The following CTNNA2 variants were observed in gnomAD, a reference collection of about 807,000 sequenced individuals.
The protein encoded by CTNNA2 is catenin alpha 2, also known as catenin alpha-2.
Under a neutral mutation model 101.0 loss-of-function variants are expected in CTNNA2, and 42 were observed. That is an observed-to-expected ratio of 0.42 (90% CI 0.32 to 0.54). The LOEUF is 0.54. Among genes scored for constraint, CTNNA2 ranks in the 20% least tolerant of loss-of-function variants. CTNNA2 has a pLI of 0.14. For missense variants in CTNNA2, 871 were observed against 1,223.1 expected (o/e 0.71, Z 4.29); for synonymous variants, 450 against 456.4 (o/e 0.99, Z 0.18).
intron 6 of CTNNA2, among the ~76,000 whole-genome samples, chr2:79,879,946 G>A (rs1683302283): frequency 6.6e-6 from 1 of 152,114 alleles, no homozygotes; most frequent in Non-Finnish European, 1.5e-5. Context: ...TATGATATTG[G>A]TTGTGGGTTT....
chr2:79,242,055 G>A lies in CTNNA2; in HGVS notation c.-406+43979G>A, dbSNP rs373824026. ...CTAGTAGCTGGGATTACAGGCCCCC[G>A]CCACCACTCCTGGCTAATTTTTTGT... On this transcript the variant is annotated intron_variant, in intron 2 of 21. Transcript: ENST00000466387. Among the ~76,000 whole-genome samples, 525 of 152,036 alleles carry A rather than the reference G, an allele frequency of 3.5e-3. 11 individuals are homozygous for A. In the East Asian group the frequency reaches 0.061, roughly 18 times the overall value.
chr2:79,334,618 A>C (rs185656934), intron 3 of CTNNA2, among the ~76,000 whole-genome samples: 9 of 152,298 alleles, frequency 5.9e-5, no homozygotes, highest in African/African-American at 1.9e-4. Flanking sequence ...AAGAATAAAA[A>C]AAGGATGGAG....
At chr2:79,242,764 T>C (rs906596331) in intron 2 of CTNNA2, among the ~76,000 whole-genome samples, 3 of 151,838 alleles carry the variant, frequency 2.0e-5, no homozygotes, top group African/African-American at 7.3e-5. Context: ...GCCCAGAAGT[T>C]TGAGACAATC....
chr2:79,606,836 A>G (rs2099208), intron 1 of CTNNA2, among the ~76,000 whole-genome samples: 19,665 of 152,216 alleles, frequency 0.13, 2,076 homozygotes, highest in African/African-American at 0.29. Context: ...GCAATTTAAA[A>G]AGTATTTAAT....
chr2:79,668,406 A>G (rs1485874088), intron 2 of CTNNA2, among the ~76,000 whole-genome samples: 1 of 142,916 alleles, frequency 7.0e-6, no homozygotes, highest in Non-Finnish European at 1.5e-5. Context: ...TTTCCCTCAC[A>G]TCTTTTAAAA....
At chr2:79,494,070 T>A (rs979663056) in intron 4 of CTNNA2, among the ~76,000 whole-genome samples, 1 of 152,086 alleles carries the variant, frequency 6.6e-6, no homozygotes, top group Non-Finnish European at 1.5e-5. Context: ...AAAAAACTGA[T>A]TTATAATATA....
At chr2:79,913,304 G>A (rs1685942436) in intron 7 of CTNNA2, among the ~76,000 whole-genome samples, 1 of 152,120 alleles carries the variant, frequency 6.6e-6, no homozygotes, top group Non-Finnish European at 1.5e-5. Flanking sequence ...GAGGAGGAAG[G>A]GATGACAAGG....
At chr2:79,217,271 C>T (rs1208297128) in intron 2 of CTNNA2, among the ~76,000 whole-genome samples, 4 of 152,124 alleles carry the variant, frequency 2.6e-5, no homozygotes, top group Non-Finnish European at 5.9e-5. Context: ...ATTGATCCCC[C>T]AAGGGAGGTC....
At position 79,909,577 on chromosome 2, in the gene CTNNA2, G is replaced by T. The variant is rs1301859079; in HGVS notation, c.853-17G>T. On this transcript the variant is annotated splice_polypyrimidine_tract_variant and intron_variant, in intron 6 of 18. Transcript: ENST00000402739. ...CTTCTCTGCTGATTTTTGTGTGTGT[G>T]TGTGTGATACTTTCAGAATAAGATT... is the stretch of plus-strand genomic sequence containing the variant. 1 of 1,586,662 alleles carries T rather than the reference G, an allele frequency of 6.3e-7. No individual in the cohort carries two copies.
At chr2:80,079,877 TAAAATAATAA>T (rs1271362655) in intron 7 of CTNNA2, among the ~76,000 whole-genome samples, 116 of 144,094 alleles carry the variant, frequency 8.1e-4, no homozygotes, top group African/African-American at 2.2e-3. Flanking sequence ...TAAAATAAAA[TAAAATAATAA>T]AATAAAATAA....
chr2:79,551,265 AG>A (rs1674082217), intron 1 of CTNNA2, among the ~76,000 whole-genome samples: 1 of 152,188 alleles, frequency 6.6e-6, no homozygotes, highest in South Asian at 2.1e-4. Context: ...TGAGGACCTC[AG>A]TATTTAAAGG....
At chr2:80,194,804 T>C (rs975223112) in intron 7 of CTNNA2, among the ~76,000 whole-genome samples, 3 of 150,910 alleles carry the variant, frequency 2.0e-5, no homozygotes, top group Admixed American at 6.6e-5. Flanking sequence ...GCTATATACA[T>C]CTGTGTTTTT....
rs769825975 is a variant in CTNNA2 at position 80,303,641 on chromosome 2, G to A, written c.1057-89570G>A. Reference sequence around the variant, plus strand: ...CAGCAGGCCGGACAGGTTGTGGGGCGCCTCGGTGAGGTTGAGCGCCTCGCA... The same window carrying A: ...CAGCAGGCCGGACAGGTTGTGGGGCACCTCGGTGAGGTTGAGCGCCTCGCA... On this transcript the variant is annotated intron_variant, in intron 7 of 18. Transcript: ENST00000402739. This position sits in a 1 kb window ranked among gnomAD's most constrained non-coding sequence, Gnocchi z 7.7. 5.6e-6 allele frequency: 9 copies of A among 1,613,290 alleles called. No individual in the cohort carries two copies. The highest frequency in any genetic ancestry group is 4.0e-5 in the African/African-American group (3 of 74,916).
Position 79,328,332 on chromosome 2 carries a change from A to G in CTNNA2, c.-318+15536A>G, listed in dbSNP as rs73938200. Among the ~76,000 whole-genome samples the G allele has an allele frequency of 5.0e-3, 767 of 152,268 alleles. 7 individuals carry two copies. Among genetic ancestry groups the G allele is most frequent in the African/African-American group, 0.017 (703 of 41,550 alleles). On this transcript the variant is annotated intron_variant, in intron 3 of 21. Transcript: ENST00000466387. Reference sequence around the variant, plus strand: ...GGAAGACTGTGGAAGAGCATACAGAAGCATAAGAAGGAGTTTGTAAGCTAG... The same window carrying G: ...GGAAGACTGTGGAAGAGCATACAGAGGCATAAGAAGGAGTTTGTAAGCTAG...
chr2:79,961,937 A>G (rs965362217), intron 7 of CTNNA2, among the ~76,000 whole-genome samples: 3 of 152,148 alleles, frequency 2.0e-5, no homozygotes, highest in African/African-American at 7.2e-5. Context: ...TCATCCAGAT[A>G]AGTGACCTGA....
At chr2:79,257,005 A>AGGTGAGGTTCTGGATCTATTTC (rs1351293229) in intron 2 of CTNNA2, among the ~76,000 whole-genome samples, 2 of 152,192 alleles carry the variant, frequency 1.3e-5, no homozygotes. Context: ...TCATGGAATA[A>AGGTGAGGTTCTGGATCTATTTC]GGTGAGGTTC....
intron 1 of CTNNA2, among the ~76,000 whole-genome samples, chr2:79,643,184 C>T (rs1558796861): frequency 1.3e-5 from 2 of 151,292 alleles, no homozygotes; most frequent in African/African-American, 2.4e-5. Flanking sequence ...AGCAAGGCTC[C>T]GTCTCAAAAA....
intron 2 of CTNNA2, among the ~76,000 whole-genome samples, chr2:79,682,236 G>A (rs897579937): frequency 8.6e-5 from 13 of 151,410 alleles, no homozygotes; most frequent in Non-Finnish European, 1.8e-4. Context: ...GTGAAACCCC[G>A]TCTCTACTAA....
chr2:79,313,788 A>T (rs1490659491), intron 3 of CTNNA2, among the ~76,000 whole-genome samples: 1 of 152,190 alleles, frequency 6.6e-6, no homozygotes, highest in East Asian at 1.9e-4. Context: ...CCAGCATGGC[A>T]GGTCCTTCAG....
Sources: gnomAD v4.1 joint callset for allele counts (sites outside exome capture counted in the v4.1 genomes callset) on GRCh38, gnomAD v4.1.1 for gene constraint, Gnocchi (gnomAD v3.1) non-coding constraint, MANE v1.5 for transcripts, NCBI Gene and HGNC (gene_info 2026-07-23, HGNC 2026-07-21) for gene names.